The following LINGO2 variants were observed in gnomAD, a reference collection of about 807,000 sequenced individuals.
The protein encoded by LINGO2 is leucine rich repeat and Ig domain containing 2, also known as leucine-rich repeat and immunoglobulin-like domain-containing nogo receptor-interacting protein 2.
Under a neutral mutation model 30.6 loss-of-function variants are expected in LINGO2, and 14 were observed. That is an observed-to-expected ratio of 0.46 (90% CI 0.30 to 0.72). The LOEUF is 0.72. LINGO2 is among the 30% of genes least tolerant of loss of function. LINGO2 has a pLI of 0.07. For synonymous variants in LINGO2, 317 were observed against 288.5 expected (o/e 1.10, Z -1.00); for missense variants, 729 against 751.7 (o/e 0.97, Z 0.35).
Position 28,546,620 on chromosome 9 carries a change from A to G in LINGO2, c.-364-70595T>C, listed in dbSNP as rs570789142. On this transcript the variant is annotated intron_variant, in intron 1 of 5. Coordinates refer to ENST00000379992, the Ensembl canonical transcript of LINGO2. ...CTACACAGAAAGGTGGAAAAAGGTT[A>G]AAGTAATATTTCTAGGTTTTATGGC... 1.2e-4 allele frequency among the ~76,000 whole-genome samples: 18 copies of G among 152,190 alleles called. 1 individual carries two copies. The South Asian group carries it at 3.7e-3, about 32-fold the overall frequency.
intron 2 of LINGO2, among the ~76,000 whole-genome samples, chr9:28,471,416 A>T (rs1255066428): frequency 6.6e-6 from 1 of 152,212 alleles, no homozygotes. Flanking sequence ...GAACATACTT[A>T]TTCCCTCAAG....
intron 4 of LINGO2, among the ~76,000 whole-genome samples, chr9:28,210,454 C>G (rs1820549369): frequency 6.6e-6 from 1 of 151,500 alleles, no homozygotes; most frequent in Admixed American, 6.6e-5. Context: ...AATGACTTGG[C>G]TTTCTTTATA....
At chr9:28,843,205 A>C in the LINGO2 span, among the ~76,000 whole-genome samples, 1 of 151,666 alleles carries the variant, frequency 6.6e-6, no homozygotes, top group South Asian at 2.1e-4. Context: ...CCAGCATAGG[A>C]AATAATACTA....
At chr9:28,785,785 G>C in the LINGO2 span, among the ~76,000 whole-genome samples, 2 of 152,028 alleles carry the variant, frequency 1.3e-5, no homozygotes, top group Non-Finnish European at 2.9e-5. Flanking sequence ...CAATATATAA[G>C]CTGATGAAGG....
At position 27,959,463 on chromosome 9, in the gene LINGO2, G is replaced by A. The variant is rs192899183; in HGVS notation, c.-35-8757C>T. 1.4e-4 allele frequency among the ~76,000 whole-genome samples: 21 copies of A among 151,772 alleles called. No homozygotes were observed. In the East Asian group the frequency reaches 3.5e-3, roughly 25 times the overall value. On this transcript the variant is annotated intron_variant, in intron 5 of 5. Coordinates refer to ENST00000379992, the Ensembl canonical transcript of LINGO2. ...ATTGATTTTTTATAAAGTATCATTC[G>A]GTCAAAAACGTTTTCTAATTTACTT... is the stretch of plus-strand genomic sequence containing the variant.
chr9:28,985,087 T>C, the LINGO2 span, among the ~76,000 whole-genome samples: 1 of 152,108 alleles, frequency 6.6e-6, no homozygotes, highest in East Asian at 1.9e-4. Context: ...TTGACTGTTT[T>C]AGATTCCACA....
At chr9:28,416,768 A>G (rs1822982632) in intron 2 of LINGO2, among the ~76,000 whole-genome samples, 1 of 152,088 alleles carries the variant, frequency 6.6e-6, no homozygotes, top group African/African-American at 2.4e-5. Context: ...TGCAGAGTAT[A>G]AGAAGACGCT....
the LINGO2 span, among the ~76,000 whole-genome samples, chr9:28,761,568 C>G: frequency 7.2e-5 from 11 of 151,732 alleles, no homozygotes; most frequent in African/African-American, 2.4e-4. Context: ...CATATAAATT[C>G]ATCTTTTGAT....
At position 28,105,225 on chromosome 9, in the gene LINGO2, G is replaced by A. The variant is rs182877486; in HGVS notation, c.-86-92820C>T. Among the ~76,000 whole-genome samples, 587 of 152,246 alleles carry A rather than the reference G, an allele frequency of 3.9e-3. 3 individuals carry two copies. Among genetic ancestry groups the A allele is most frequent in the Non-Finnish European group, 4.9e-3 (336 of 67,996 alleles). ...GAAACACCAGGGGGTGGTTTTTCTTGTACTGATGAGAAGTCACGTTATTAG... is the reference window on the plus strand; with the variant it reads ...GAAACACCAGGGGGTGGTTTTTCTTATACTGATGAGAAGTCACGTTATTAG... On this transcript the variant is annotated intron_variant, in intron 4 of 5. Transcript: ENST00000379992.
chr9:28,271,243 G>A (rs1822929552), intron 4 of LINGO2, among the ~76,000 whole-genome samples: 1 of 151,422 alleles, frequency 6.6e-6, no homozygotes, highest in Non-Finnish European at 1.5e-5. Flanking sequence ...ATTTGTATAG[G>A]CAATGTTTTA....
At chr9:28,736,445 C>A in the LINGO2 span, among the ~76,000 whole-genome samples, 1 of 152,100 alleles carries the variant, frequency 6.6e-6, no homozygotes, top group Non-Finnish European at 1.5e-5. Context: ...CTCTTAGCTT[C>A]GACTTCTTCA....
intron 4 of LINGO2, among the ~76,000 whole-genome samples, chr9:28,085,690 A>G (rs556566682): frequency 1.3e-5 from 2 of 152,268 alleles, no homozygotes; most frequent in East Asian, 3.9e-4. Flanking sequence ...AGGCATGGAA[A>G]GGAGGGTAGG....
Position 28,315,848 on chromosome 9 carries a change from T to A in LINGO2, c.-245-20482A>T, listed in dbSNP as rs555168583. Among the ~76,000 whole-genome samples, 19 of 152,336 alleles carry A rather than the reference T, an allele frequency of 1.2e-4. No individual in the cohort carries two copies. The East Asian group carries it at 3.3e-3, about 26-fold the overall frequency. Reference sequence around the variant, plus strand: ...CTATGAATATGACATTCAAAGTACATAATTCTTAGTATAGGGTATAATAAT... The same window carrying A: ...CTATGAATATGACATTCAAAGTACAAAATTCTTAGTATAGGGTATAATAAT... On this transcript the variant is annotated intron_variant, in intron 3 of 5. Transcript: ENST00000379992.
chr9:28,175,507 T>A lies in LINGO2; in HGVS notation c.-87+119701A>T, dbSNP rs562354882. ...GTGATTCAGACAATTGAATACAACA[T>A]CCTCAATGAGACATTGCCAACTTCA... On this transcript the variant is annotated intron_variant, in intron 4 of 5. Transcript: ENST00000379992. Among the ~76,000 whole-genome samples, 18 of 152,258 alleles carry A rather than the reference T, an allele frequency of 1.2e-4. No individual in the cohort carries two copies. The South Asian group carries it at 3.5e-3, about 30-fold the overall frequency.
the LINGO2 span, among the ~76,000 whole-genome samples, chr9:29,183,396 G>A: frequency 2.0e-5 from 3 of 152,268 alleles, no homozygotes; most frequent in East Asian, 1.9e-4. Context: ...AAGACCAGCC[G>A]GATGGTGCCA....
At chr9:28,576,247 G>A (rs533388837) in intron 1 of LINGO2, among the ~76,000 whole-genome samples, 51 of 152,246 alleles carry the variant, frequency 3.3e-4, no homozygotes, top group African/African-American at 1.2e-3. Flanking sequence ...TGCTAATGCC[G>A]CACAGCATCA....
At chr9:29,049,630 G>C in the LINGO2 span, among the ~76,000 whole-genome samples, 1 of 152,132 alleles carries the variant, frequency 6.6e-6, no homozygotes, top group Non-Finnish European at 1.5e-5. Flanking sequence ...AAAAAAATGA[G>C]ATTCTGTCAT....
chr9:29,118,745 C>T, the LINGO2 span, among the ~76,000 whole-genome samples: 2 of 152,122 alleles, frequency 1.3e-5, no homozygotes, highest in Admixed American at 6.5e-5. Flanking sequence ...ATGCTCGCTA[C>T]CTCTCCCCAG....
chr9:28,247,958 C>T (rs1822061610), intron 4 of LINGO2, among the ~76,000 whole-genome samples: 1 of 152,142 alleles, frequency 6.6e-6, no homozygotes, highest in Non-Finnish European at 1.5e-5. Context: ...CAGGAGCTAA[C>T]AAATGCCAGA....
Sources: gnomAD v4.1 joint callset for allele counts (sites outside exome capture counted in the v4.1 genomes callset) on GRCh38, gnomAD v4.1.1 for gene constraint, MANE v1.5 for transcripts, NCBI Gene and HGNC (gene_info 2026-07-23, HGNC 2026-07-21) for gene names.